The following DNAH5 variants were observed in gnomAD, a reference collection of about 807,000 sequenced individuals.
The protein encoded by DNAH5 is axonemal beta dynein heavy chain 5.
Under a neutral mutation model 518.2 loss-of-function variants are expected in DNAH5, and 372 were observed. That is an observed-to-expected ratio of 0.72 (90% CI 0.66 to 0.78). DNAH5 has a LOEUF of 0.78. DNAH5 is among the 30% of genes least tolerant of loss of function. The probability of loss-of-function intolerance (pLI) is 0.00; values close to 1 mark genes in which losing one functional copy is unlikely to be tolerated. For synonymous variants in DNAH5, 2,039 were observed against 2,025.9 expected, an observed-to-expected ratio of 1.01 and a Z score of -0.17; for missense variants, 5,523 against 5,687.0, an observed-to-expected ratio of 0.97 and a Z score of 0.93.
chr5:13,839,676 C>A, intron 34 of DNAH5, 148 bp from the exon 35 acceptor site: 1 of 693,498 alleles, frequency 1.4e-6, no homozygotes, highest in South Asian at 1.7e-5. Flanking sequence ...TATCACCAGC[C>A]AAGCTATTCA....
chr5:13,882,288 A>G (rs542604363), intron 21 of DNAH5, among the ~76,000 whole-genome samples: 1 of 152,136 alleles, frequency 6.6e-6, no homozygotes, highest in East Asian at 1.9e-4. Flanking sequence ...AGAAGGGAAT[A>G]CTTCCAAACT....
chr5:13,696,670 C>T (rs929487689), intron 78 of DNAH5, among the ~76,000 whole-genome samples: 1 of 152,014 alleles, frequency 6.6e-6, no homozygotes, highest in Non-Finnish European at 1.5e-5. Context: ...TAGAGCCCTG[C>T]TCAATTATCA....
chr5:13,729,404 T>C, intron 69 of DNAH5, 35 bp downstream of exon 69: 1 of 1,613,154 alleles, frequency 6.2e-7, no homozygotes, highest in Non-Finnish European at 8.5e-7. Context: ...CTGCTCAACA[T>C]GACATCAGCT....
At chr5:13,716,367 CAT>C in intron 74 of DNAH5, 118 bp downstream of exon 74, 1 of 738,566 alleles carries the variant, frequency 1.4e-6, no homozygotes, top group South Asian at 1.5e-5. Context: ...ACAGCAAAAG[CAT>C]TAGTATATAT....
intron 1 of DNAH5, among the ~76,000 whole-genome samples, chr5:13,971,611 G>A (rs1422311965): frequency 6.6e-6 from 1 of 152,194 alleles, no homozygotes; most frequent in Non-Finnish European, 1.5e-5. Context: ...TCTGCAAAGA[G>A]CCCTGTGATG....
chr5:13,945,461 G>A (rs1779833473), upstream of DNAH5, among the ~76,000 whole-genome samples: 1 of 152,198 alleles, frequency 6.6e-6, no homozygotes, highest in African/African-American at 2.4e-5. Flanking sequence ...CATGGTTTCA[G>A]AACATGGAGA....
intron 53 of DNAH5, among the ~76,000 whole-genome samples, chr5:13,779,905 A>G (rs990018348): frequency 2.0e-5 from 3 of 152,056 alleles, no homozygotes; most frequent in African/African-American, 4.8e-5. Context: ...TAACTATTCT[A>G]TTTTAGTTCC....
intron 60 of DNAH5, among the ~76,000 whole-genome samples, chr5:13,760,292 G>A (rs571204320): frequency 6.6e-6 from 1 of 152,186 alleles, no homozygotes; most frequent in East Asian, 1.9e-4. Context: ...CCAATTAATT[G>A]CTCAACTTAG....
chr5:13,952,478 A>G (rs1051973174), intron 1 of DNAH5, among the ~76,000 whole-genome samples: 3 of 152,206 alleles, frequency 2.0e-5, no homozygotes, highest in African/African-American at 7.2e-5. Flanking sequence ...ACTTGGTGGC[A>G]GATCAGAGTT....
intron 35 of DNAH5, among the ~76,000 whole-genome samples, chr5:13,834,950 A>T (rs1288116978): frequency 1.3e-5 from 2 of 152,214 alleles, no homozygotes; most frequent in African/African-American, 4.8e-5. Flanking sequence ...CTGTACGAGG[A>T]CAACGACAGA....
chr5:13,859,051 G>T (rs909251695), intron 30 of DNAH5, among the ~76,000 whole-genome samples: 14 of 149,126 alleles, frequency 9.4e-5, no homozygotes, highest in Non-Finnish European at 1.5e-4. Flanking sequence ...ATATAATTGG[G>T]TACATTGTAT....
rs77377082 is a variant in DNAH5, at chr5:13,788,835, A to G, written c.8528T>C (p.Phe2843Ser). 2 of 1,614,160 alleles carry G rather than the reference A, an allele frequency of 1.2e-6. No individual in the cohort carries two copies. Among genetic ancestry groups the G allele is most frequent in the Non-Finnish European group, 1.7e-6 (2 of 1,180,016 alleles). The change falls in exon 51 of 79, where the codon TTT becomes TCT. Residue 2843 changes from phenylalanine (F) to serine (S), a missense_variant. Coordinates refer to ENST00000265104, the MANE Select transcript of DNAH5 (RefSeq NM_001369.3). ...RFTVSSDVTW[F>S]DKALVSLVEE... Reference sequence around the variant, plus strand: ...TACCAAACTTACTAAAGCCTTATCAAACCAGGTCACATCACTGGACACTGT... The same window carrying G: ...TACCAAACTTACTAAAGCCTTATCAGACCAGGTCACATCACTGGACACTGT...
chr5:13,979,738 T>C (rs951698941), intron 1 of DNAH5, among the ~76,000 whole-genome samples: 1 of 152,196 alleles, frequency 6.6e-6, no homozygotes, highest in African/African-American at 2.4e-5. Context: ...ATCTTACTGA[T>C]CAACTGCATT....
upstream of DNAH5, among the ~76,000 whole-genome samples, chr5:13,946,170 G>A (rs890161054): frequency 9.9e-5 from 15 of 152,064 alleles, no homozygotes; most frequent in African/African-American, 2.7e-4. Flanking sequence ...CATTTGAATC[G>A]GTGCTTCCCT....
intron 29 of DNAH5, among the ~76,000 whole-genome samples, chr5:13,861,152 C>A (rs1281223199): frequency 6.6e-6 from 1 of 152,120 alleles, no homozygotes; most frequent in Non-Finnish European, 1.5e-5. Context: ...TTTCCCCACC[C>A]CAACCAGATA....
At chr5:13,886,766 T>G (rs963383486) in intron 17 of DNAH5, among the ~76,000 whole-genome samples, 3 of 152,206 alleles carry the variant, frequency 2.0e-5, no homozygotes, top group Admixed American at 2.0e-4. Context: ...ATCTTTAAAC[T>G]TATACGGCTT....
chr5:13,938,666 C>T (rs1439412798), intron 1 of DNAH5, among the ~76,000 whole-genome samples: 1 of 151,926 alleles, frequency 6.6e-6, no homozygotes, highest in Non-Finnish European at 1.5e-5. Context: ...GGAATATATT[C>T]CCCCTGGATA....
intron 1 of DNAH5, among the ~76,000 whole-genome samples, chr5:13,996,478 C>A (rs921185207): frequency 2.6e-5 from 4 of 152,182 alleles, no homozygotes; most frequent in Admixed American, 2.6e-4. Flanking sequence ...AGGTATGATT[C>A]ATGTGAACCT....
Position 13,769,528 on chromosome 5 carries a change from T to C in DNAH5, c.9693A>G (p.Leu3231=). 2 of 1,614,104 alleles carry C rather than the reference T, an allele frequency of 1.2e-6. No individual in the cohort carries two copies. Among genetic ancestry groups the C allele is most frequent in the Non-Finnish European group, 1.7e-6 (2 of 1,179,940 alleles). Residue 3231 remains leucine, a synonymous_variant, in exon 57 of 79, where the codon CTA becomes CTG. Transcript: ENST00000265104. ...TGTCGGCTTTATCGTTGGCCACTTG[T>C]AGCTCCTTTTCTTTCGCTTCCAGTT... ...SKELEAKEKE[L]QVANDKADMV...
Sources: gnomAD v4.1 joint callset for allele counts (sites outside exome capture counted in the v4.1 genomes callset) on GRCh38, gnomAD v4.1.1 for gene constraint, MANE v1.5 for transcripts, NCBI Gene and HGNC (gene_info 2026-07-23, HGNC 2026-07-21) for gene names.